RYK: variants seen among roughly 807,000 people sequenced by gnomAD.
RYK encodes inactive tyrosine-protein kinase RYK.
In RYK, 21 loss-of-function variants were observed where a neutral mutation model predicts 70.2. That is an observed-to-expected ratio of 0.30 (90% CI 0.21 to 0.43). The LOEUF (loss-of-function observed/expected upper bound fraction) is 0.43, where lower values mean the gene tolerates loss of function less well. RYK is among the 20% of genes least tolerant of loss of function. The pLI is 1.00. For synonymous variants in RYK, 267 were observed against 278.0 expected, an observed-to-expected ratio of 0.96 and a Z score of 0.39; for missense variants, 604 against 753.3, an observed-to-expected ratio of 0.80 and a Z score of 2.32.
rs1021096971 is a variant in RYK, at chr3:134,159,489, G to T, written c.1576-116C>A. ...AGCTCAACTCATGCTTTGGAAAAGC[G>T]AAATGTTATTTACAAAAAAATGTCT... is the stretch of plus-strand genomic sequence containing the variant. On this transcript the variant is annotated intron_variant, in intron 13 of 14. Coordinates refer to ENST00000623711, the MANE Select transcript of RYK (RefSeq NM_002958.4). 6.8e-5 allele frequency: 67 copies of T among 987,612 alleles called. No homozygotes were observed. In the African/African-American group the frequency reaches 9.5e-4, roughly 14 times the overall value. The allele number at this position is 987,612 out of a possible 1,614,324, so 61.2% of individuals were successfully genotyped here.
At chr3:134,195,035 C>A (rs778585221) in intron 7 of RYK, 47 bp downstream of exon 7, 1 of 1,300,844 alleles carries the variant, frequency 7.7e-7, no homozygotes, top group Non-Finnish European at 1.1e-6. Context: ...TGGGAAGCAG[C>A]ATAGACAACT....
At chr3:134,179,605 T>C (rs2013223488) in intron 10 of RYK, 1 of 152,220 alleles carries the variant, frequency 6.6e-6, no homozygotes, top group South Asian at 2.1e-4. Flanking sequence ...TCTGATTCAA[T>C]ACCCTTTGCA....
chr3:134,241,386 A>C (rs768156754), intron 1 of RYK, among the ~76,000 whole-genome samples: 2 of 148,554 alleles, frequency 1.3e-5, no homozygotes, highest in African/African-American at 4.9e-5. Context: ...CTATGTATTT[A>C]AGTTCCCTTT....
intron 9 of RYK, among the ~76,000 whole-genome samples, chr3:134,188,430 G>A (rs909129340): frequency 1.3e-5 from 2 of 152,142 alleles, no homozygotes; most frequent in African/African-American, 2.4e-5. Context: ...CCAAAGTGCC[G>A]GGATTACAGG....
intron 8 of RYK, among the ~76,000 whole-genome samples, chr3:134,190,391 T>C (rs2013607994): frequency 6.6e-6 from 1 of 152,132 alleles, no homozygotes; most frequent in Admixed American, 6.5e-5. Flanking sequence ...TTACATATAC[T>C]TAAAAACAAT....
At chr3:134,207,659 A>G in intron 4 of RYK, 134 bp from the exon 5 acceptor site, 1 of 594,344 alleles carries the variant, frequency 1.7e-6, no homozygotes, top group Non-Finnish European at 2.9e-6. Flanking sequence ...CTATGTTACT[A>G]TTCTGATAAT....
intron 1 of RYK, among the ~76,000 whole-genome samples, chr3:134,242,039 C>T (rs1350708418): frequency 2.6e-5 from 4 of 152,134 alleles, no homozygotes; most frequent in Non-Finnish European, 4.4e-5. Context: ...AGGTGGCTCA[C>T]GCCTGTAATC....
At chr3:134,168,778 AAAT>A (rs901339362) in intron 13 of RYK, among the ~76,000 whole-genome samples, 53 of 152,154 alleles carry the variant, frequency 3.5e-4, no homozygotes, top group African/African-American at 8.7e-4. Flanking sequence ...ATAAAAAATA[AAAT>A]AATAATAATA....
chr3:134,185,107 C>T (rs2013420020), intron 9 of RYK, among the ~76,000 whole-genome samples: 1 of 151,464 alleles, frequency 6.6e-6, no homozygotes, highest in African/African-American at 2.4e-5. Flanking sequence ...GCACTCCAGC[C>T]TGGGTGACAG....
Position 134,158,263 on chromosome 3 carries a change from A to ATAAT in RYK, c.1713_1714insATTA (p.Phe572IlefsTer85). On this transcript the variant is annotated frameshift_variant and splice_region_variant, in exon 15 of 15. Coordinates refer to ENST00000623711, the MANE Select transcript of RYK (RefSeq NM_002958.4). LOFTEE classifies it high-confidence loss of function. ...GCCCAGCAACAGGCCATCACAGCAA[A>ATAAT]TCTGCAGAGTGACAAAAATGAAAAT... is the stretch of plus-strand genomic sequence containing the variant. 6.5e-7 allele frequency: 1 copy of ATAAT among 1,547,318 alleles called. No individual in the cohort carries two copies. Among genetic ancestry groups the ATAAT allele is most frequent in the Non-Finnish European group, 8.7e-7 (1 of 1,144,684 alleles).
intron 7 of RYK, among the ~76,000 whole-genome samples, chr3:134,194,507 G>T (rs571612053): frequency 1.7e-3 from 263 of 152,184 alleles, no homozygotes; most frequent in African/African-American, 5.8e-3. Flanking sequence ...AAAAATCCTG[G>T]TTCTTTTTCA....
intron 1 of RYK, among the ~76,000 whole-genome samples, chr3:134,228,554 A>G (rs1379607686): frequency 6.6e-6 from 1 of 152,254 alleles, no homozygotes; most frequent in Non-Finnish European, 1.5e-5. Context: ...ACATGAATGA[A>G]CCTGGAAGAC....
chr3:134,200,229 T>C (rs555689371), intron 6 of RYK, among the ~76,000 whole-genome samples: 2 of 152,306 alleles, frequency 1.3e-5, no homozygotes, highest in South Asian at 4.1e-4. Context: ...GGGTCCGCAC[T>C]ACCTTTATGA....
intron 1 of RYK, among the ~76,000 whole-genome samples, chr3:134,247,140 CTATT>C (rs1011366303): frequency 4.7e-4 from 71 of 152,296 alleles, no homozygotes; most frequent in Admixed American, 3.3e-4. Flanking sequence ...TCATAAGTCA[CTATT>C]TAGCAATACC....
In RYK at chr3:134,219,970, G is replaced by A. The variant is rs539305648; in HGVS notation, c.354+2448C>T. Among the ~76,000 whole-genome samples, 3 of 152,294 alleles carry A rather than the reference G, an allele frequency of 2.0e-5. No homozygotes were observed. In the South Asian group the frequency reaches 6.2e-4, roughly 32 times the overall value. ...AAATTACTTACTAACTATATATAAA[G>A]TAAAAAACTTGACAGGGGAGAAATC... On this transcript the variant is annotated intron_variant, in intron 2 of 14. Transcript: ENST00000623711.
chr3:134,216,600 G>A (rs561089315), intron 2 of RYK, among the ~76,000 whole-genome samples: 1 of 151,970 alleles, frequency 6.6e-6, no homozygotes, highest in South Asian at 2.1e-4. Flanking sequence ...AGACCATCCT[G>A]GCTAACACAG....
chr3:134,193,745 C>T (rs1021728915), intron 7 of RYK, among the ~76,000 whole-genome samples: 11 of 152,110 alleles, frequency 7.2e-5, no homozygotes, highest in Non-Finnish European at 1.2e-4. Context: ...TGTATAATGC[C>T]TTCTTTCCTC....
intron 2 of RYK, among the ~76,000 whole-genome samples, chr3:134,219,321 C>T (rs1331263259): frequency 2.0e-5 from 3 of 152,140 alleles, no homozygotes; most frequent in African/African-American, 7.2e-5. Flanking sequence ...TTCCAAATAA[C>T]AAACGGTGTA....
At position 134,211,527 on chromosome 3, in the gene RYK, T is replaced by A. The variant is rs2014392107; in HGVS notation, c.435A>T (p.Glu145Asp). 3.7e-6 allele frequency: 6 copies of A among 1,612,884 alleles called. No individual in the cohort carries two copies. The highest frequency in any genetic ancestry group is 5.1e-6 in the Non-Finnish European group (6 of 1,179,294). ...ACTTACCTGATAAAGTGCGTGGAAC[T>A]TCCCCCTGAACAGAAATGTTGACCT... ...MPQVNISVQG[E>D]VPRTLSVFRV... is the part of the protein sequence containing the mutation. Residue 145 changes from glutamate to aspartate, a missense_variant, in exon 3 of 15, where the codon GAA becomes GAT. Glu to Asp is a conservative substitution (Grantham distance 45). Around this residue, in one of 2 missense-constraint regions of RYK, gnomAD observed 466 missense variants for 535.9 expected, o/e 0.87. Transcript: ENST00000623711.
Sources: allele counts gnomAD v4.1 joint callset (sites outside exome capture counted in the v4.1 genomes callset), GRCh38; gene constraint gnomAD v4.1.1; regional missense constraint gnomAD v4.1.1; transcripts MANE v1.5; gene names NCBI Gene and HGNC (gene_info 2026-07-23, HGNC 2026-07-21).